The following KMT5B variants were observed in gnomAD, a reference collection of about 807,000 sequenced individuals.
KMT5B encodes histone-lysine N-methyltransferase KMT5B.
A neutral mutation model predicts 83.2 loss-of-function variants in KMT5B; 10 were observed. The ratio of observed to expected loss-of-function variants is 0.12; its 90% CI spans 0.07 to 0.20. KMT5B has a LOEUF of 0.20. Among genes scored for constraint, KMT5B ranks in the 10% least tolerant of loss-of-function variants. KMT5B has a pLI of 1.00. For missense variants in KMT5B, 753 were observed against 1,067.2 expected (o/e 0.71, Z 4.10); for synonymous variants, 349 against 388.8 (o/e 0.90, Z 1.20).
intron 3 of KMT5B, among the ~76,000 whole-genome samples, chr11:68,181,464 G>C (rs1856929147): frequency 6.6e-6 from 1 of 152,170 alleles, no homozygotes; most frequent in Non-Finnish European, 1.5e-5. Context: ...AAACTAAAAA[G>C]TGACAAATTA....
At chr11:68,187,994 G>A (rs568749168) in intron 2 of KMT5B, among the ~76,000 whole-genome samples, 110 of 151,264 alleles carry the variant, frequency 7.3e-4, no homozygotes, top group African/African-American at 2.6e-3. Flanking sequence ...GCTTGGTAAA[G>A]TGTAACCAAA....
At chr11:68,192,162 A>G (rs1329209772) in intron 1 of KMT5B, among the ~76,000 whole-genome samples, 1 of 152,170 alleles carries the variant, frequency 6.6e-6, no homozygotes, top group Admixed American at 6.5e-5. Flanking sequence ...CTAACCTCAC[A>G]TTTCTAGAAT....
At chr11:68,195,547 C>G (rs1565251734) in intron 1 of KMT5B, among the ~76,000 whole-genome samples, 1 of 152,222 alleles carries the variant, frequency 6.6e-6, no homozygotes, top group Non-Finnish European at 1.5e-5. Flanking sequence ...ACAGAAAGCA[C>G]CTACCATGTC....
intron 4 of KMT5B, among the ~76,000 whole-genome samples, chr11:68,176,885 T>C (rs1338476338): frequency 6.6e-6 from 1 of 152,182 alleles, no homozygotes; most frequent in African/African-American, 2.4e-5. Context: ...GAAAAAAATC[T>C]TTATGTGTCT....
rs1464545549 is a variant in KMT5B at position 68,156,104 on chromosome 11, G to A, written c.*1584C>T. ...AGTAAGCATTGAGATTTTCTCCACT[G>A]GACTTTTCATGACCTTCAGATTCCT... is the stretch of plus-strand genomic sequence containing the variant. On this transcript the variant is annotated 3_prime_UTR_variant, in exon 11 of 11. Coordinates refer to ENST00000304363, the MANE Select transcript of KMT5B (RefSeq NM_017635.5). 1 of 152,130 alleles carries A rather than the reference G, an allele frequency of 6.6e-6. No homozygotes were observed. The highest frequency in any genetic ancestry group is 1.5e-5 in the Non-Finnish European group (1 of 68,022). The allele number at this position is 152,130 out of a possible 1,614,324, so 9.4% of individuals were successfully genotyped here. A position where few individuals can be genotyped will look rare whatever the true frequency, so the allele number is the denominator to read the frequency against.
intron 10 of KMT5B, among the ~76,000 whole-genome samples, chr11:68,159,475 C>T (rs985575519): frequency 4.6e-5 from 7 of 152,190 alleles, no homozygotes; most frequent in East Asian, 1.9e-4. Flanking sequence ...CTGGCCCAAA[C>T]GAACGCTTTC....
Position 68,156,025 on chromosome 11 carries a change from T to C in KMT5B, c.*1663A>G, listed in dbSNP as rs746945596. ...CAATCAACAGTCTTAAGGAGCGTCATTGAAACAATATCCCCCCAAACCTGG... is the reference window on the plus strand; with the variant it reads ...CAATCAACAGTCTTAAGGAGCGTCACTGAAACAATATCCCCCCAAACCTGG... On this transcript the variant is annotated 3_prime_UTR_variant, in exon 11 of 11. Coordinates refer to ENST00000304363, the MANE Select transcript of KMT5B (RefSeq NM_017635.5). The C allele has an allele frequency of 1.3e-5, 2 of 152,056 alleles. No homozygotes were observed. Among genetic ancestry groups the C allele is most frequent in the African/African-American group, 4.8e-5 (2 of 41,452 alleles). 9.4% of individuals were successfully genotyped at this position (152,056 alleles called of 1,614,324 possible).
Position 68,201,202 on chromosome 11 carries a change from A to G in KMT5B, c.-76-11050T>C, listed in dbSNP as rs1476056909. 2.0e-5 allele frequency among the ~76,000 whole-genome samples: 3 copies of G among 152,222 alleles called. No homozygotes were observed. In the East Asian group the frequency reaches 5.8e-4, roughly 29 times the overall value. ...ACCCACCACCACCAGCACCACCACA[A>G]TGCATTCCAAATCACCAGTGCTACC... On this transcript the variant is annotated intron_variant, in intron 1 of 10. Transcript: ENST00000304363.
At chr11:68,165,921 A>C (rs1355588387) in intron 10 of KMT5B, 1 of 1,612,880 alleles carries the variant, frequency 6.2e-7, no homozygotes, top group Admixed American at 1.7e-5. Flanking sequence ...CCATCATGGG[A>C]AACACCTTCC....
At position 68,158,073 on chromosome 11, in the gene KMT5B, TAG is replaced by T; in HGVS notation, c.2271_2272del (p.Tyr758CysfsTer5). On this transcript the variant is annotated frameshift_variant, in exon 11 of 11. Transcript: ENST00000304363. LOFTEE classifies it high-confidence loss of function. Reference sequence around the variant, plus strand: ...AAATCCATTATTAAGCTTTGCTACATAGAGATTGTTATCGTTGTCATGGTCTT... The same window carrying T: ...AAATCCATTATTAAGCTTTGCTACATAGATTGTTATCGTTGTCATGGTCTT... The T allele has an allele frequency of 6.2e-7, 1 of 1,614,212 alleles. No homozygotes were observed. Among genetic ancestry groups the T allele is most frequent in the Non-Finnish European group, 8.5e-7 (1 of 1,180,028 alleles).
chr11:68,167,234 C>A, intron 9 of KMT5B, 56 bp from the exon 10 acceptor site: 1 of 1,539,044 alleles, frequency 6.5e-7, no homozygotes, highest in Admixed American at 2.0e-5. Flanking sequence ...TTATAATAAG[C>A]TTAACTGCTG....
In KMT5B at chr11:68,189,925, G is replaced by A. The variant is rs750915423; in HGVS notation, c.152C>T (p.Ser51Leu). 1 of 1,613,902 alleles carries A rather than the reference G, an allele frequency of 6.2e-7. No homozygotes were observed. The highest frequency in any genetic ancestry group is 8.5e-7 in the Non-Finnish European group (1 of 1,179,958). ...KAGKNAVERR[S>L]NRCNGNSGFE... ...TTTAAGTGTGTACATACATCTGTTCGACCTCCTCTCGACTGCATTTTTGCC... is the reference window on the plus strand; with the variant it reads ...TTTAAGTGTGTACATACATCTGTTCAACCTCCTCTCGACTGCATTTTTGCC... Residue 51 changes from serine (S) to leucine (L), a missense_variant, in exon 2 of 11, where the codon TCG (serine) becomes TTG (leucine). Transcript: ENST00000304363.
At chr11:68,204,539 C>G (rs745643079) in intron 1 of KMT5B, among the ~76,000 whole-genome samples, 1 of 151,732 alleles carries the variant, frequency 6.6e-6, no homozygotes, top group East Asian at 1.9e-4. Flanking sequence ...GCCCTGCCAA[C>G]GCCTTGACTT....
intron 10 of KMT5B, 109 bp from the exon 11 acceptor site, chr11:68,159,280 C>T (rs750345939): frequency 2.0e-5 from 28 of 1,419,018 alleles, no homozygotes; most frequent in Non-Finnish European, 2.6e-5. Context: ...TACACAAACG[C>T]CAACACCACG....
At chr11:68,197,949 T>C (rs747208258) in intron 1 of KMT5B, among the ~76,000 whole-genome samples, 1 of 152,190 alleles carries the variant, frequency 6.6e-6, no homozygotes, top group African/African-American at 2.4e-5. Context: ...AAAATGAATA[T>C]ATATTGTACT....
chr11:68,198,622 G>A (rs1386186576), intron 1 of KMT5B, among the ~76,000 whole-genome samples: 1 of 152,024 alleles, frequency 6.6e-6, no homozygotes, highest in Non-Finnish European at 1.5e-5. Context: ...CCATGGTCAC[G>A]GTTTGGCTGA....
chr11:68,173,524 C>T (rs1046083912), intron 6 of KMT5B, among the ~76,000 whole-genome samples: 3 of 152,142 alleles, frequency 2.0e-5, no homozygotes, highest in African/African-American at 7.2e-5. Context: ...TATCTAATCA[C>T]GGTATCCACA....
At chr11:68,176,497 G>A (rs1319295215) in intron 4 of KMT5B, 1 of 151,942 alleles carries the variant, frequency 6.6e-6, no homozygotes, top group Non-Finnish European at 1.5e-5. Flanking sequence ...AATTCTAACC[G>A]GATTATGGCC....
chr11:68,159,334 T>C (rs1854657186), intron 10 of KMT5B, among the ~76,000 whole-genome samples, 163 bp from the exon 11 acceptor site: 1 of 152,192 alleles, frequency 6.6e-6, no homozygotes, highest in Non-Finnish European at 1.5e-5. Flanking sequence ...TTCCCTACAC[T>C]GCTTCTCTTT....
Sources: gnomAD v4.1 joint callset for allele counts (sites outside exome capture counted in the v4.1 genomes callset) on GRCh38, gnomAD v4.1.1 for gene constraint, MANE v1.5 for transcripts, NCBI Gene and HGNC (gene_info 2026-07-23, HGNC 2026-07-21) for gene names.